Variants in SUCO observed in about 807,000 individuals in gnomAD.
SUCO encodes SUN domain containing ossification factor.
Under a neutral mutation model 148.1 loss-of-function variants are expected in SUCO, and 57 were observed. That is an observed-to-expected ratio of 0.38 (90% CI 0.31 to 0.48). The LOEUF (loss-of-function observed/expected upper bound fraction) is 0.48, where lower values mean the gene tolerates loss of function less well. SUCO is among the 20% of genes least tolerant of loss of function. The probability of loss-of-function intolerance (pLI) is 0.96; values close to 1 mark genes in which losing one functional copy is unlikely to be tolerated. For missense variants in SUCO, 1,331 were observed against 1,468.2 expected, an observed-to-expected ratio of 0.91 and a Z score of 1.53; for synonymous variants, 470 against 502.7, an observed-to-expected ratio of 0.93 and a Z score of 0.87.
Position 172,533,402 on chromosome 1 carries a change from G to A in SUCO, c.-34G>A, listed in dbSNP as rs755444644. 3.3e-5 allele frequency: 52 copies of A among 1,552,322 alleles called. No homozygotes were observed. In the South Asian group the frequency reaches 6.2e-4, roughly 18 times the overall value. ...GCAGTGGCGGCTGCCGGGAGGATGTGCCGCCTTCTGGCAGGGGGAAGAAGG... is the reference window on the plus strand; with the variant it reads ...GCAGTGGCGGCTGCCGGGAGGATGTACCGCCTTCTGGCAGGGGGAAGAAGG... On this transcript the variant is annotated 5_prime_UTR_variant, in exon 1 of 24. Coordinates refer to ENST00000263688, the MANE Select transcript of SUCO (RefSeq NM_014283.5).
At chr1:172,597,698 A>G (rs1657224144) in intron 19 of SUCO, among the ~76,000 whole-genome samples, 2 of 152,026 alleles carry the variant, frequency 1.3e-5, no homozygotes, top group Admixed American at 6.5e-5. Context: ...TAAGGGAACT[A>G]TTCTAGTATT....
intron 1 of SUCO, among the ~76,000 whole-genome samples, chr1:172,537,494 C>T (rs538893094): frequency 6.6e-5 from 10 of 152,104 alleles, no homozygotes; most frequent in South Asian, 4.2e-4. Flanking sequence ...AGCTGCTTCC[C>T]GATGTTGTGA....
chr1:172,602,967 T>C (rs1391210557), intron 22 of SUCO, 180 bp downstream of exon 22: 10 of 554,214 alleles, frequency 1.8e-5, no homozygotes, highest in Non-Finnish European at 3.1e-5. Flanking sequence ...TCTTTGTTCC[T>C]AAAAGCCCAG....
intron 22 of SUCO, among the ~76,000 whole-genome samples, chr1:172,603,841 ATTTG>A (rs1054752004): frequency 6.6e-6 from 1 of 152,026 alleles, no homozygotes; most frequent in African/African-American, 2.4e-5. Flanking sequence ...GACTATAGGC[ATTTG>A]TTTATTTTCG....
intron 17 of SUCO, chr1:172,588,490 A>C (rs1405888710): frequency 1.0e-6 from 1 of 985,264 alleles, no homozygotes; most frequent in East Asian, 1.1e-4. Context: ...ATTCTTAAAC[A>C]GATTAAAAGA....
intron 6 of SUCO, among the ~76,000 whole-genome samples, chr1:172,560,888 T>C (rs1256504774): frequency 1.3e-5 from 2 of 152,210 alleles, no homozygotes; most frequent in Non-Finnish European, 2.9e-5. Flanking sequence ...GGGGCACAAA[T>C]GGAGACCCTA....
At position 172,609,174 on chromosome 1, in the gene SUCO, G is replaced by T. The variant is rs527564037; in HGVS notation, c.3321+372G>T. ...GCATGCCAAGCACAGAGCATGCACC[G>T]TTCCTCTAATCCTCACCACAACCTG... On this transcript the variant is annotated intron_variant, in intron 23 of 23. Coordinates refer to ENST00000263688, the MANE Select transcript of SUCO (RefSeq NM_014283.5). 3.6e-6 allele frequency: 3 copies of T among 834,512 alleles called. No homozygotes were observed. In the Admixed American group the frequency reaches 1.9e-4, roughly 52 times the overall value. 51.7% of individuals were successfully genotyped at this position (834,512 alleles called of 1,614,324 possible).
chr1:172,541,696 A>G (rs1652467545), intron 1 of SUCO, among the ~76,000 whole-genome samples: 1 of 152,168 alleles, frequency 6.6e-6, no homozygotes, highest in Non-Finnish European at 1.5e-5. Context: ...TCTGTTCAAC[A>G]TCCCCTTTCT....
chr1:172,541,849 A>C (rs1172462817), intron 1 of SUCO: 1 of 982,898 alleles, frequency 1.0e-6, no homozygotes, highest in Admixed American at 6.1e-5. Flanking sequence ...AAAATTATGA[A>C]TCTGTGAAAT....
chr1:172,571,486 C>G (rs113598430), intron 9 of SUCO, among the ~76,000 whole-genome samples: 1 of 151,496 alleles, frequency 6.6e-6, no homozygotes. Context: ...GCCACCCCGT[C>G]TGGGAAGTGA....
At chr1:172,549,756 C>T (rs12758548) in intron 1 of SUCO, among the ~76,000 whole-genome samples, 30,454 of 151,628 alleles carry the variant, frequency 0.2, 3,340 homozygotes, top group South Asian at 0.27. Flanking sequence ...TAATACTTAA[C>T]GATTATTTTT....
rs1323617454 is a variant in SUCO, at chr1:172,607,128, AAATCT to A, written c.3266-1615_3266-1611del. On this transcript the variant is annotated intron_variant, in intron 22 of 23. Coordinates refer to ENST00000263688, the MANE Select transcript of SUCO (RefSeq NM_014283.5). ...ATTATCTTTATAGTTTGTGTTTGAT[AAATCT>A]AATATCTTAAATTTTTGTGAGTCTG... 4.6e-5 allele frequency among the ~76,000 whole-genome samples: 7 copies of A among 152,050 alleles called. No individual in the cohort carries two copies. The East Asian group carries it at 1.2e-3, about 25-fold the overall frequency.
intron 23 of SUCO, chr1:172,609,431 A>G: frequency 1.1e-6 from 1 of 915,118 alleles, no homozygotes; most frequent in South Asian, 5.0e-5. Flanking sequence ...CAAAGAACCA[A>G]ACATCTGAAC....
At chr1:172,553,677 AT>A (rs1197280175) in intron 3 of SUCO, among the ~76,000 whole-genome samples, 1 of 151,990 alleles carries the variant, frequency 6.6e-6, no homozygotes, top group African/African-American at 2.4e-5. Context: ...TTGTTAAGAA[AT>A]TTTTTTCTAA....
chr1:172,570,692 G>A lies in SUCO; in HGVS notation c.1011G>A (p.Met337Ile), dbSNP rs1654893828. Residue 337 changes from methionine to isoleucine, a missense_variant, in exon 9 of 24, where the codon ATG becomes ATA. By Grantham distance (10) the Met-to-Ile change is conservative (BLOSUM62 1). Transcript: ENST00000263688. The part of the protein sequence containing the change: ...KSTSAILIEN[M>I]DLYMLNPCST... Reference sequence around the variant, plus strand: ...CATCTGCTATTCTTATAGAAAATATGGATCTTTACATGTTGAATCCTTGCA... The same window carrying A: ...CATCTGCTATTCTTATAGAAAATATAGATCTTTACATGTTGAATCCTTGCA... 1 of 1,607,746 alleles carries A rather than the reference G, an allele frequency of 6.2e-7. No individual in the cohort carries two copies. The highest frequency in any genetic ancestry group is 2.2e-5 in the East Asian group (1 of 44,698).
At chr1:172,573,297 A>G (rs1341859507) in intron 9 of SUCO, among the ~76,000 whole-genome samples, 1 of 152,120 alleles carries the variant, frequency 6.6e-6, no homozygotes. Context: ...TTTTTATGTA[A>G]ATGAAATGAT....
upstream of SUCO, chr1:172,532,788 AG>A: frequency 6.2e-7 from 1 of 1,605,396 alleles, no homozygotes; most frequent in Non-Finnish European, 8.5e-7. Context: ...TCAGCGCGCG[AG>A]GGACGAAGGG....
chr1:172,571,328 C>T (rs908227900), intron 9 of SUCO, among the ~76,000 whole-genome samples: 6 of 152,202 alleles, frequency 3.9e-5, no homozygotes, highest in African/African-American at 9.6e-5. Flanking sequence ...CCCGAGGTGC[C>T]GGGATTGCAG....
At chr1:172,535,730 G>C (rs1039627601) in intron 1 of SUCO, among the ~76,000 whole-genome samples, 4 of 152,156 alleles carry the variant, frequency 2.6e-5, no homozygotes, top group Admixed American at 2.0e-4. Flanking sequence ...ATCCGTTTCT[G>C]TTTTGTACAT....
Sources: gnomAD v4.1 joint callset for allele counts (sites outside exome capture counted in the v4.1 genomes callset) on GRCh38, gnomAD v4.1.1 for gene constraint, MANE v1.5 for transcripts, NCBI Gene and HGNC (gene_info 2026-07-23, HGNC 2026-07-21) for gene names.